ZFYVE19: variants seen among roughly 807,000 people sequenced by gnomAD.
ZFYVE19 encodes zinc finger FYVE-type containing 19.
In ZFYVE19, 49 loss-of-function variants were observed where a neutral mutation model predicts 62.8. The ratio of observed to expected loss-of-function variants is 0.78; its 90% CI spans 0.62 to 0.99. The LOEUF (loss-of-function observed/expected upper bound fraction) is 0.99, where lower values mean the gene tolerates loss of function less well. ZFYVE19 is among the 50% of genes least tolerant of loss of function. The pLI, the probability that ZFYVE19 is intolerant of heterozygous loss-of-function variation, is 0.00. For synonymous variants in ZFYVE19, 242 were observed against 234.3 expected (o/e 1.03, Z -0.30); for missense variants, 630 against 601.9 (o/e 1.05, Z -0.49).
rs1350432230 is a variant in ZFYVE19 at position 40,807,185 on chromosome 15, T to C, written c.-405T>C. ...AGAGCCCTCTGTACCCCGCTTCCTCTTGAGGCCCTCGGACCGTCCAGGAAA... is the reference window on the plus strand; with the variant it reads ...AGAGCCCTCTGTACCCCGCTTCCTCCTGAGGCCCTCGGACCGTCCAGGAAA... On this transcript the variant is annotated 5_prime_UTR_variant, in exon 1 of 11. Transcript: ENST00000355341. 3.5e-6 allele frequency: 5 copies of C among 1,437,524 alleles called. No homozygotes were observed. In the African/African-American group the frequency reaches 4.3e-5, roughly 12 times the overall value. 89.0% of individuals were successfully genotyped at this position (1,437,524 alleles called of 1,614,324 possible). A position where few individuals can be genotyped will look rare whatever the true frequency, so the allele number is the denominator to read the frequency against.
Position 40,814,271 on chromosome 15 carries a change from A to AC in ZFYVE19, c.*48dup, listed in dbSNP as rs751387535. 6.2e-7 allele frequency: 1 copy of AC among 1,605,094 alleles called. No homozygotes were observed. The highest frequency in any genetic ancestry group is 1.7e-5 in the Admixed American group (1 of 59,160). On this transcript the variant is annotated 3_prime_UTR_variant, in exon 11 of 11. Transcript: ENST00000355341. ...GAAGGGCAGTCCCACAGGCAGCGGC[A>AC]CCCATTTCTGGGCCCAGCCACAGGA... is the stretch of plus-strand genomic sequence containing the variant.
At chr15:40,813,608 A>G in intron 8 of ZFYVE19, 105 bp from the exon 9 acceptor site, 1 of 1,245,622 alleles carries the variant, frequency 8.0e-7, no homozygotes, top group Non-Finnish European at 1.1e-6. Context: ...ACAAGTAAAG[A>G]AAAAGATGAG....
At position 40,812,765 on chromosome 15, in the gene ZFYVE19, A is replaced by C; in HGVS notation, c.893A>C (p.Asn298Thr). Residue 298 changes from asparagine (N) to threonine (T), a missense_variant, in exon 7 of 11, where the codon AAC becomes ACC. By Grantham distance (65) the Asn-to-Thr change is moderately conservative. Coordinates refer to ENST00000355341, the MANE Select transcript of ZFYVE19 (RefSeq NM_001077268.2). The part of the protein sequence containing the change: ...PGSTNSKRQA[N>T]WSLEEEKSRL... Reference sequence around the variant, plus strand: ...AGCACTAATTCCAAGAGGCAGGCCAACTGGTCCTTGGAGGAGGAGAAGAGC... The same window carrying C: ...AGCACTAATTCCAAGAGGCAGGCCACCTGGTCCTTGGAGGAGGAGAAGAGC... 6.2e-7 allele frequency: 1 copy of C among 1,613,028 alleles called. No individual in the cohort carries two copies. Among genetic ancestry groups the C allele is most frequent in the Non-Finnish European group, 8.5e-7 (1 of 1,180,018 alleles).
rs371884826 is a variant in ZFYVE19, at chr15:40,813,291, C to A, written c.1031-47C>A. On this transcript the variant is annotated intron_variant, in intron 7 of 10. Transcript: ENST00000355341. Reference sequence around the variant, plus strand: ...GAGGGCAGCCACTCATGTGAAATCTCTCACTCTCACTCCCCCATCCCCTGT... The same window carrying A: ...GAGGGCAGCCACTCATGTGAAATCTATCACTCTCACTCCCCCATCCCCTGT... 17 of 1,578,024 alleles carry A rather than the reference C, an allele frequency of 1.1e-5. No homozygotes were observed. The African/African-American group carries it at 1.9e-4, about 18-fold the overall frequency.
At chr15:40,812,332 G>T (rs1890511502) in intron 6 of ZFYVE19, among the ~76,000 whole-genome samples, 1 of 152,098 alleles carries the variant, frequency 6.6e-6, no homozygotes, top group South Asian at 2.1e-4. Context: ...TGGATCACGA[G>T]GTCAGGAGTT....
intron 1 of ZFYVE19, chr15:40,808,375 G>T (rs1407642849): frequency 1.0e-5 from 16 of 1,596,442 alleles, no homozygotes; most frequent in Non-Finnish European, 1.3e-5. Context: ...CTGGTAAACT[G>T]CAGGTTCCCT....
At chr15:40,811,787 C>A (rs1018745202) in intron 6 of ZFYVE19, among the ~76,000 whole-genome samples, 1 of 152,196 alleles carries the variant, frequency 6.6e-6, no homozygotes, top group Non-Finnish European at 1.5e-5. Context: ...AGGAACTTGA[C>A]CAAGGTCACA....
chr15:40,811,579 A>G (rs570990492), intron 6 of ZFYVE19, among the ~76,000 whole-genome samples: 1 of 142,192 alleles, frequency 7.0e-6, no homozygotes, highest in Non-Finnish European at 1.5e-5. Flanking sequence ...GAATATCCTC[A>G]ATAATCTTAT....
rs984123147 is a variant in ZFYVE19 at position 40,813,598 on chromosome 15, A to G, written c.1111-115A>G. The G allele has an allele frequency of 3.3e-6, 4 of 1,194,802 alleles. No homozygotes were observed. The East Asian group carries it at 7.6e-5, about 23-fold the overall frequency. The allele number at this position is 1,194,802 out of a possible 1,614,324, so 74.0% of individuals were successfully genotyped here. ...GATAGGGAATCAGCAGCCACAGGCC[A>G]CAAGTAAAGAAAAAGATGAGTTTGA... On this transcript the variant is annotated intron_variant, in intron 8 of 10. Coordinates refer to ENST00000355341, the MANE Select transcript of ZFYVE19 (RefSeq NM_001077268.2).
Position 40,807,535 on chromosome 15 carries a change from G to C in ZFYVE19, c.-55G>C. ...GCTCCGAGCGGCGCCTAGCCCTCTG[G>C]GAATTGTGTTCTGGGTCAGGCTTGA... On this transcript the variant is annotated 5_prime_UTR_variant, in exon 1 of 11. Coordinates refer to ENST00000355341, the MANE Select transcript of ZFYVE19 (RefSeq NM_001077268.2). The C allele has an allele frequency of 6.2e-7, 1 of 1,604,702 alleles. No individual in the cohort carries two copies. The highest frequency in any genetic ancestry group is 1.1e-5 in the South Asian group (1 of 90,220).
intron 1 of ZFYVE19, chr15:40,808,162 G>A: frequency 1.4e-6 from 2 of 1,403,704 alleles, no homozygotes; most frequent in Non-Finnish European, 1.9e-6. Flanking sequence ...GCATCTGGCG[G>A]TTTTCTTCTC....
chr15:40,807,598 C>G lies in ZFYVE19; in HGVS notation c.9C>G (p.Tyr3Ter). The G allele has an allele frequency of 6.2e-7, 1 of 1,612,072 alleles. No homozygotes were observed. The highest frequency in any genetic ancestry group is 8.5e-7 in the Non-Finnish European group (1 of 1,179,062). MN[Y>*]DSQQPPLPPL... ...GAGGCCGGCAGTCGTGAATGAACTA[C>G]GACTCCCAGCAGCCCCCGTTGCCGC... Residue 3 changes from tyrosine to a stop codon, truncating the protein, a stop_gained, in exon 1 of 11, where the codon TAC becomes TAG. Transcript: ENST00000355341. LOFTEE classifies it high-confidence loss of function.
chr15:40,813,579 G>C, intron 8 of ZFYVE19, 134 bp from the exon 9 acceptor site: 1 of 1,144,734 alleles, frequency 8.7e-7, no homozygotes, highest in South Asian at 1.5e-5. Flanking sequence ...TGGAGATAGG[G>C]AATCAGCAGC....
Position 40,814,707 on chromosome 15 carries a change from C to G in ZFYVE19, c.*481C>G, listed in dbSNP as rs1395562635. The G allele has an allele frequency of 5.5e-6, 1 of 181,188 alleles. No homozygotes were observed. The highest frequency in any genetic ancestry group is 1.5e-4 in the East Asian group (1 of 6,502). The allele number at this position is 181,188 out of a possible 1,614,324, so 11.2% of individuals were successfully genotyped here. On this transcript the variant is annotated 3_prime_UTR_variant, in exon 11 of 11. Coordinates refer to ENST00000355341, the MANE Select transcript of ZFYVE19 (RefSeq NM_001077268.2). ...ATGAACTTCTCCAGGCAGGAACAGC[C>G]CTACCCATCCTGGTGGCCTCATACG... is the stretch of plus-strand genomic sequence containing the variant.
rs1215965232 is a variant in ZFYVE19, at chr15:40,807,815, A to G, written c.226A>G (p.Met76Val). ...AGACCCTGCGGTGCTGGGAGCCACCATGGAGAGTAGGTGCTACGGCTGCGC... is the reference window on the plus strand; with the variant it reads ...AGACCCTGCGGTGCTGGGAGCCACCGTGGAGAGTAGGTGCTACGGCTGCGC... ...SADPAVLGAT[M>V]ESRCYGCAVK... The change falls in exon 1 of 11, where the codon ATG (methionine) becomes GTG (valine). Residue 76 changes from methionine to valine, a missense_variant. Physicochemically the swap from Met to Val is conservative, Grantham distance 21 (BLOSUM62 1). Transcript: ENST00000355341. The G allele has an allele frequency of 5.2e-6, 8 of 1,547,950 alleles. No homozygotes were observed. The East Asian group carries it at 1.3e-4, about 26-fold the overall frequency.
chr15:40,809,633 A>G (rs1030762141), intron 3 of ZFYVE19, among the ~76,000 whole-genome samples, 175 bp downstream of exon 3: 3 of 152,290 alleles, frequency 2.0e-5, no homozygotes, highest in Admixed American at 2.0e-4. Context: ...CCCTCTCTCC[A>G]GGACAGGCAC....
chr15:40,810,040 C>T (rs748381824), intron 4 of ZFYVE19, 31 bp from the exon 5 acceptor site: 6 of 1,614,108 alleles, frequency 3.7e-6, no homozygotes, highest in Non-Finnish European at 5.1e-6. Flanking sequence ...TGCCTCTGGC[C>T]CTTACAAGGC....
rs533156538 is a variant in ZFYVE19 at position 40,810,691 on chromosome 15, C to A, written c.760C>A (p.Gln254Lys). 1.2e-4 allele frequency: 194 copies of A among 1,577,910 alleles called. No individual in the cohort carries two copies. In the South Asian group the frequency reaches 2.1e-3, roughly 17 times the overall value. Residue 254 changes from glutamine to lysine, a missense_variant, in exon 6 of 11, where the codon CAG becomes AAG. Transcript: ENST00000355341. ...PDTRTQAQQT[Q>K]DLLTQLAAEV... Reference sequence around the variant, plus strand: ...CACCAGGACCCAAGCCCAGCAGACACAGGATCTGCTAACGCAGCTGGCAGC... The same window carrying A: ...CACCAGGACCCAAGCCCAGCAGACAAAGGATCTGCTAACGCAGCTGGCAGC...
In ZFYVE19 at chr15:40,807,260, C is replaced by T. The variant is rs905142081; in HGVS notation, c.-330C>T. On this transcript the variant is annotated 5_prime_UTR_variant, in exon 1 of 11. Transcript: ENST00000355341. ...GCATAGCGCCGACCCTCGCTCCCCG[C>T]CCAGGACCCGAATGAACCTGGAGAG... 2.5e-6 allele frequency: 4 copies of T among 1,596,960 alleles called. No homozygotes were observed. In the South Asian group the frequency reaches 3.4e-5, roughly 13 times the overall value.
Sources: gnomAD v4.1 joint callset for allele counts (sites outside exome capture counted in the v4.1 genomes callset) on GRCh38, gnomAD v4.1.1 for gene constraint, MANE v1.5 for transcripts, NCBI Gene and HGNC (gene_info 2026-07-23, HGNC 2026-07-21) for gene names.